KCNU1: variants seen among roughly 807,000 people sequenced by gnomAD.
The protein encoded by KCNU1 is potassium channel subfamily U member 1.
In KCNU1, 93 loss-of-function variants were observed where a neutral mutation model predicts 126.8. That is an observed-to-expected ratio of 0.73 (90% CI 0.62 to 0.87). The LOEUF (loss-of-function observed/expected upper bound fraction) is 0.87, where lower values mean the gene tolerates loss of function less well. Ranked by LOEUF, KCNU1 falls within the 40% of genes least tolerant of loss-of-function variation. The probability of loss-of-function intolerance (pLI) is 0.00; values close to 1 mark genes in which losing one functional copy is unlikely to be tolerated. For synonymous variants in KCNU1, 523 were observed against 494.2 expected, an observed-to-expected ratio of 1.06 and a Z score of -0.77; for missense variants, 1,330 against 1,367.1, an observed-to-expected ratio of 0.97 and a Z score of 0.43.
intron 10 of KCNU1, among the ~76,000 whole-genome samples, chr8:36,823,278 C>T (rs1031433586): frequency 6.6e-6 from 1 of 152,190 alleles, no homozygotes. Context: ...CTCTCCTTCC[C>T]TTTCCCCAGT....
intron 18 of KCNU1, among the ~76,000 whole-genome samples, chr8:36,857,738 C>T (rs1563298840): frequency 6.6e-6 from 1 of 151,824 alleles, no homozygotes; most frequent in Non-Finnish European, 1.5e-5. Flanking sequence ...CTCCACCTCC[C>T]GGGTTAAAGT....
At chr8:36,903,113 G>A (rs766951845) in intron 19 of KCNU1, among the ~76,000 whole-genome samples, 2 of 151,978 alleles carry the variant, frequency 1.3e-5, no homozygotes, top group East Asian at 1.9e-4. Flanking sequence ...CTAGTATCCC[G>A]TTCCCCCTAC....
intron 12 of KCNU1, among the ~76,000 whole-genome samples, chr8:36,835,326 G>C (rs1390769280): frequency 1.3e-5 from 2 of 151,022 alleles, no homozygotes; most frequent in African/African-American, 4.9e-5. Flanking sequence ...CCATCAGTAA[G>C]TATTCTCTTT....
chr8:36,922,175 C>T (rs1009446808), intron 23 of KCNU1, among the ~76,000 whole-genome samples: 7 of 152,122 alleles, frequency 4.6e-5, no homozygotes, highest in African/African-American at 1.7e-4. Flanking sequence ...TTTTGCTCCC[C>T]CAAAATATCC....
At chr8:36,818,425 A>G (rs1382116995) in intron 10 of KCNU1, among the ~76,000 whole-genome samples, 3 of 152,028 alleles carry the variant, frequency 2.0e-5, no homozygotes, top group Admixed American at 6.5e-5. Context: ...TCTACTCAAT[A>G]TATGTTGTTA....
At position 36,935,986 on chromosome 8, in the gene KCNU1, T is replaced by C. The variant is rs898062914; in HGVS notation, c.*66T>C. 5.1e-6 allele frequency: 7 copies of C among 1,381,626 alleles called. No homozygotes were observed. The highest frequency in any genetic ancestry group is 4.5e-5 in the South Asian group (3 of 66,970). The allele number at this position is 1,381,626 out of a possible 1,614,324, so 85.6% of individuals were successfully genotyped here. A position where few individuals can be genotyped will look rare whatever the true frequency, so the allele number is the denominator to read the frequency against. On this transcript the variant is annotated 3_prime_UTR_variant, in exon 27 of 27. Transcript: ENST00000399881. ...CAAATCATCTCCTGAGATGCTAACT[T>C]TGAACAAAGAAAATAAGAATGGAAG...
At chr8:36,851,412 T>TCTCTCC (rs1805344349) in intron 18 of KCNU1, among the ~76,000 whole-genome samples, 1 of 151,986 alleles carries the variant, frequency 6.6e-6, no homozygotes, top group Non-Finnish European at 1.5e-5. Flanking sequence ...TCTCTCTCTC[T>TCTCTCC]GTCTCTCCTA....
rs759226629 is a variant in KCNU1, at chr8:36,807,440, A to G, written c.646A>G (p.Ile216Val). Residue 216 changes from isoleucine (I) to valine (V), a missense_variant, in exon 6 of 27, where the codon ATC (isoleucine) becomes GTC (valine). Transcript: ENST00000399881. ...TCAAATCTTGCAAATTCTACGAGCC[A>G]TCAAGACCAGGTAAATAGCCCTGAC... ...LPQILQILRA[I>V]KTSNSVKFSK... 2 of 1,612,202 alleles carry G rather than the reference A, an allele frequency of 1.2e-6. No individual in the cohort carries two copies. The highest frequency in any genetic ancestry group is 1.3e-5 in the African/African-American group (1 of 74,878).
At chr8:36,805,170 C>A in intron 3 of KCNU1, 25 bp from the exon 4 acceptor site, 4 of 1,547,634 alleles carry the variant, frequency 2.6e-6, no homozygotes, top group Non-Finnish European at 2.7e-6. Flanking sequence ...TTGATCTTCA[C>A]AAACTGTCCT....
At chr8:36,865,773 C>CAAAAAAAAAAAA (rs538090899) in intron 19 of KCNU1, among the ~76,000 whole-genome samples, 1 of 61,384 alleles carries the variant, frequency 1.6e-5, no homozygotes, top group Non-Finnish European at 2.7e-5. Flanking sequence ...AAGAGCTTGT[C>CAAAAAAAAAAAA]AAAAAAAAAA....
chr8:36,918,548 C>T (rs1808211592), intron 22 of KCNU1, among the ~76,000 whole-genome samples: 1 of 151,250 alleles, frequency 6.6e-6, no homozygotes, highest in Admixed American at 6.6e-5. Context: ...GAGCAAGACC[C>T]TGTTTCAAAA....
intron 19 of KCNU1, among the ~76,000 whole-genome samples, chr8:36,883,907 T>G (rs1219616004): frequency 6.6e-6 from 1 of 152,218 alleles, no homozygotes; most frequent in Non-Finnish European, 1.5e-5. Context: ...GCTTTCATTT[T>G]AAAAAGTTAT....
At chr8:36,806,747 A>G (rs779812889) in intron 5 of KCNU1, among the ~76,000 whole-genome samples, 35 of 152,324 alleles carry the variant, frequency 2.3e-4, no homozygotes, top group Non-Finnish European at 4.3e-4. Flanking sequence ...CATATGTGCT[A>G]TGGCATTTTA....
chr8:36,830,468 G>GT (rs1295164790), intron 10 of KCNU1, among the ~76,000 whole-genome samples: 1 of 151,866 alleles, frequency 6.6e-6, no homozygotes, highest in Non-Finnish European at 1.5e-5. Context: ...TATAAGTGTT[G>GT]TTTTTTAATT....
chr8:36,817,644 G>T lies in KCNU1; in HGVS notation c.996-6G>T, dbSNP rs1019550645. 8.3e-6 allele frequency: 13 copies of T among 1,561,560 alleles called. No individual in the cohort carries two copies. The African/African-American group carries it at 1.5e-4, about 18-fold the overall frequency. Reference sequence around the variant, plus strand: ...ATGATCCACCTCACCTGTTTTTGCTGCCTAGGTTTATTGTGGTCTGTGGAA... The same window carrying T: ...ATGATCCACCTCACCTGTTTTTGCTTCCTAGGTTTATTGTGGTCTGTGGAA... On this transcript the variant is annotated splice_region_variant and splice_polypyrimidine_tract_variant and intron_variant, in intron 9 of 26. Coordinates refer to ENST00000399881, the MANE Select transcript of KCNU1 (RefSeq NM_001031836.3).
At chr8:36,873,075 A>T (rs1368871594) in intron 19 of KCNU1, among the ~76,000 whole-genome samples, 1 of 152,124 alleles carries the variant, frequency 6.6e-6, no homozygotes, top group African/African-American at 2.4e-5. Context: ...GCGAAATTCC[A>T]TCTCAAAAAA....
Position 36,836,328 on chromosome 8 carries a change from C to G in KCNU1, c.1328C>G (p.Thr443Ser), listed in dbSNP as rs1316915468. The G allele has an allele frequency of 1.9e-6, 3 of 1,606,778 alleles. No homozygotes were observed. The highest frequency in any genetic ancestry group is 2.6e-6 in the Non-Finnish European group (3 of 1,174,314). ...VLSIKNYDST[T>S]RIIIQILQSH... ...TCTATCAAGAACTATGATTCTACCA[C>G]CAGAATCATCATACAGATACTGCAA... is the stretch of plus-strand genomic sequence containing the variant. The change falls in exon 13 of 27, where the codon ACC (threonine) becomes AGC (serine). Residue 443 changes from threonine (T) to serine (S), a missense_variant. Physicochemically the swap from Thr to Ser is moderately conservative, Grantham distance 58. Coordinates refer to ENST00000399881, the MANE Select transcript of KCNU1 (RefSeq NM_001031836.3).
chr8:36,799,605 G>A (rs1470264255), intron 2 of KCNU1, among the ~76,000 whole-genome samples: 1 of 151,684 alleles, frequency 6.6e-6, no homozygotes, highest in Non-Finnish European at 1.5e-5. Flanking sequence ...TGCAATCTCG[G>A]CTCTCTGCAA....
chr8:36,884,635 C>T (rs952035021), intron 19 of KCNU1, among the ~76,000 whole-genome samples: 7 of 152,094 alleles, frequency 4.6e-5, no homozygotes, highest in African/African-American at 1.7e-4. Context: ...ACTCTGGAGG[C>T]TGAGGCAGTA....
Sources: gnomAD v4.1 joint callset for allele counts (sites outside exome capture counted in the v4.1 genomes callset) on GRCh38, gnomAD v4.1.1 for gene constraint, MANE v1.5 for transcripts, NCBI Gene and HGNC (gene_info 2026-07-23, HGNC 2026-07-21) for gene names.